Variants in LRP1B observed in about 807,000 individuals in gnomAD.
The protein encoded by LRP1B is low-density lipoprotein receptor-related protein 1B.
LRP1B carries 217 observed loss-of-function variants against 556.6 expected under a neutral mutation model. The observed-to-expected ratio is 0.39, with a 90% CI of 0.35 to 0.44. The LOEUF (loss-of-function observed/expected upper bound fraction) is 0.44, where lower values mean the gene tolerates loss of function less well. Among genes scored for constraint, LRP1B ranks in the 20% least tolerant of loss-of-function variants. The pLI, the probability that LRP1B is intolerant of heterozygous loss-of-function variation, is 1.00. For synonymous variants in LRP1B, 2,047 were observed against 1,865.8 expected, an observed-to-expected ratio of 1.10 and a Z score of -2.50; for missense variants, 5,053 against 5,620.8, an observed-to-expected ratio of 0.90 and a Z score of 3.23.
chr2:140,835,423 T>C (rs1691865299), intron 31 of LRP1B, among the ~76,000 whole-genome samples: 1 of 152,186 alleles, frequency 6.6e-6, no homozygotes, highest in African/African-American at 2.4e-5. Flanking sequence ...CAACCTTCAC[T>C]TGCCACGTCT....
chr2:140,590,112 G>A (rs1294746903), intron 43 of LRP1B, among the ~76,000 whole-genome samples: 2 of 151,708 alleles, frequency 1.3e-5, no homozygotes, highest in Non-Finnish European at 2.9e-5. Flanking sequence ...AAGCACAAAT[G>A]CATATGTCGT....
intron 6 of LRP1B, among the ~76,000 whole-genome samples, chr2:141,205,750 G>A (rs1464440181): frequency 6.6e-6 from 1 of 151,964 alleles, no homozygotes; most frequent in Non-Finnish European, 1.5e-5. Flanking sequence ...AAATGTCTTT[G>A]AAAAAAATTT....
At chr2:140,257,433 C>G (rs1681743776) in intron 86 of LRP1B, among the ~76,000 whole-genome samples, 1 of 152,116 alleles carries the variant, frequency 6.6e-6, no homozygotes, top group Admixed American at 6.6e-5. Context: ...GGGAAAATAA[C>G]ATGATTACAT....
chr2:140,884,101 A>G, intron 24 of LRP1B, 80 bp from the exon 25 acceptor site: 1 of 1,237,106 alleles, frequency 8.1e-7, no homozygotes, highest in South Asian at 1.3e-5. Context: ...TGTGCCTGTG[A>G]TCAGCAGTAC....
At chr2:140,583,171 C>CTTTTCTTTTTTT (rs1553491151) in intron 43 of LRP1B, among the ~76,000 whole-genome samples, 82 of 48,024 alleles carry the variant, frequency 1.7e-3, no homozygotes, top group African/African-American at 4.7e-3. Flanking sequence ...CCTTTTTTTT[C>CTTTTCTTTTTTT]TTTTTTTTTT....
chr2:141,477,276 C>G (rs1291052778), intron 3 of LRP1B, among the ~76,000 whole-genome samples: 1 of 140,926 alleles, frequency 7.1e-6, no homozygotes, highest in Non-Finnish European at 1.5e-5. Context: ...TAAAAATAAC[C>G]GAGTTAGACA....
rs75366463 is a variant in LRP1B, at chr2:140,488,547, C to A, written c.9121-808G>T. ...TTGATTCGATTTGAGGACTGTACAT[C>A]CAGGATCTAGGAATCTTTTAGCTGC... On this transcript the variant is annotated intron_variant, in intron 57 of 90. Coordinates refer to ENST00000389484, the MANE Select transcript of LRP1B (RefSeq NM_018557.3). Among the ~76,000 whole-genome samples, 758 of 151,966 alleles carry A rather than the reference C, an allele frequency of 5.0e-3. 10 individuals are homozygous for A. The highest frequency in any genetic ancestry group is 0.016 in the African/African-American group (648 of 41,494).
intron 86 of LRP1B, among the ~76,000 whole-genome samples, chr2:140,262,216 G>T (rs1681978257): frequency 6.6e-6 from 1 of 152,124 alleles, no homozygotes; most frequent in South Asian, 2.1e-4. Flanking sequence ...ACTCCAACAA[G>T]TTACCTTAAT....
chr2:141,273,308 C>CA lies in LRP1B; in HGVS notation c.344-18668dup, dbSNP rs990716503. ...TGGGCCACACAGTGAGACTCCATCT[C>CA]AAAAAAAAAAAGGAAGAAAAACGTA... On this transcript the variant is annotated intron_variant, in intron 3 of 90. Coordinates refer to ENST00000389484, the MANE Select transcript of LRP1B (RefSeq NM_018557.3). Among the ~76,000 whole-genome samples, 334 of 139,720 alleles carry CA rather than the reference C, an allele frequency of 2.4e-3. 1 individual carries two copies. Among genetic ancestry groups the CA allele is most frequent in the African/African-American group, 3.0e-3 (114 of 38,074 alleles). 91.7% of individuals were successfully genotyped at this position (139,720 alleles called of 152,430 possible).
At chr2:140,962,568 C>A (rs754192803) in intron 18 of LRP1B, among the ~76,000 whole-genome samples, 2 of 152,126 alleles carry the variant, frequency 1.3e-5, no homozygotes, top group Non-Finnish European at 2.9e-5. Flanking sequence ...GAGGTTGGCT[C>A]CAGACAACTC....
intron 1 of LRP1B, among the ~76,000 whole-genome samples, chr2:141,886,551 C>T (rs2104904296): frequency 6.6e-6 from 1 of 152,268 alleles, no homozygotes; most frequent in East Asian, 1.9e-4. Flanking sequence ...AGTAAAGCTA[C>T]TTTTGGGATA....
intron 41 of LRP1B, among the ~76,000 whole-genome samples, chr2:140,699,426 G>T (rs1319335830): frequency 1.3e-5 from 2 of 151,904 alleles, no homozygotes; most frequent in Non-Finnish European, 2.9e-5. Context: ...AGGACTGATG[G>T]TTGCAGAGAT....
chr2:140,459,739 G>A (rs1293390894), intron 60 of LRP1B, among the ~76,000 whole-genome samples: 1 of 152,110 alleles, frequency 6.6e-6, no homozygotes, highest in Non-Finnish European at 1.5e-5. Flanking sequence ...ATCTCATGTT[G>A]AATTGTAATC....
At chr2:140,819,864 A>C (rs971118072) in intron 31 of LRP1B, among the ~76,000 whole-genome samples, 19 of 152,130 alleles carry the variant, frequency 1.2e-4, no homozygotes. Flanking sequence ...TGGTAAAACC[A>C]CTCTAGGAAA....
At chr2:140,701,117 T>TCTTCACCAGTCTAATTTTC (rs1553515921) in intron 40 of LRP1B, among the ~76,000 whole-genome samples, 2 of 151,214 alleles carry the variant, frequency 1.3e-5, no homozygotes, top group African/African-American at 2.4e-5. Context: ...ACTTAAAATT[T>TCTTCACCAGTCTAATTTTC]CTTCACCAGT....
chr2:141,660,045 C>T (rs1386135848), intron 2 of LRP1B, among the ~76,000 whole-genome samples: 2 of 151,930 alleles, frequency 1.3e-5, no homozygotes, highest in Non-Finnish European at 2.9e-5. Flanking sequence ...GCCAAAAGGG[C>T]CAACGAGAGA....
intron 2 of LRP1B, among the ~76,000 whole-genome samples, chr2:141,794,504 T>C (rs1031165296): frequency 1.3e-5 from 2 of 151,872 alleles, no homozygotes; most frequent in Admixed American, 6.6e-5. Context: ...CAGGTATGAG[T>C]TTCTACAAAT....
intron 3 of LRP1B, among the ~76,000 whole-genome samples, chr2:141,436,707 C>A (rs1680778860): frequency 6.6e-6 from 1 of 152,054 alleles, no homozygotes; most frequent in African/African-American, 2.4e-5. Flanking sequence ...TAGATATTGT[C>A]TGGGATAAAT....
At chr2:141,942,864 A>G (rs1300511999) in intron 1 of LRP1B, among the ~76,000 whole-genome samples, 1 of 152,172 alleles carries the variant, frequency 6.6e-6, no homozygotes, top group Non-Finnish European at 1.5e-5. Flanking sequence ...ATATGAGGGG[A>G]ACACCTTTCA....
Sources: gnomAD v4.1 joint callset for allele counts (sites outside exome capture counted in the v4.1 genomes callset) on GRCh38, gnomAD v4.1.1 for gene constraint, MANE v1.5 for transcripts, NCBI Gene and HGNC (gene_info 2026-07-23, HGNC 2026-07-21) for gene names.